NMBR: variants seen among roughly 807,000 people sequenced by gnomAD.
NMBR encodes neuromedin B receptor, also known as neuromedin-B receptor.
Under a neutral mutation model 20.5 loss-of-function variants are expected in NMBR, and 16 were observed. The observed-to-expected ratio is 0.78, with a 90% CI of 0.53 to 1.19. The LOEUF is 1.19. Among genes scored for constraint, NMBR ranks in the 50% most tolerant of loss-of-function variants. NMBR has a pLI of 0.00. For synonymous variants in NMBR, 212 were observed against 196.6 expected (o/e 1.08, Z -0.65); for missense variants, 582 against 499.1 (o/e 1.17, Z -1.58).
rs570905538 is a variant in NMBR, at chr6:142,098,235, G to C, written c.-663-8914C>G. 3.2e-3 allele frequency among the ~76,000 whole-genome samples: 485 copies of C among 152,190 alleles called. 3 individuals carry two copies. The highest frequency in any genetic ancestry group is 0.011 in the African/African-American group (472 of 41,546). On this transcript the variant is annotated intron_variant, in intron 1 of 3. Transcript: ENST00000258042. The stretch of plus-strand genomic sequence containing the variant: ...AGAAACACAAAGAAAAATTTGCCAA[G>C]ATGAGAAACTCGAAACTATCTTGCT...
At chr6:142,116,180 T>C (rs927567643) in intron 1 of NMBR, among the ~76,000 whole-genome samples, 8 of 151,940 alleles carry the variant, frequency 5.3e-5, no homozygotes, top group African/African-American at 1.7e-4. Context: ...CTTTCTTTTG[T>C]AAATTGCCCA....
chr6:142,079,557 C>T (rs920752657), intron 2 of NMBR, among the ~76,000 whole-genome samples: 2 of 152,064 alleles, frequency 1.3e-5, no homozygotes, highest in African/African-American at 2.4e-5. Context: ...TAATATTATT[C>T]AATTCTTCCT....
intron 1 of NMBR, among the ~76,000 whole-genome samples, chr6:142,139,905 A>T (rs1264441477): frequency 6.6e-6 from 1 of 152,230 alleles, no homozygotes; most frequent in Admixed American, 6.5e-5. Context: ...AAACTAAACA[A>T]TATCTAACCA....
chr6:142,090,834 A>G (rs990831441), intron 1 of NMBR, among the ~76,000 whole-genome samples: 3 of 151,922 alleles, frequency 2.0e-5, no homozygotes, highest in African/African-American at 7.2e-5. Flanking sequence ...TTATATAAAA[A>G]TATATTGAAA....
intron 3 of NMBR, among the ~76,000 whole-genome samples, chr6:142,076,520 A>G (rs1776952737): frequency 6.6e-6 from 1 of 152,234 alleles, no homozygotes; most frequent in African/African-American, 2.4e-5. Flanking sequence ...GGAAAACAAA[A>G]TAGCAACTTG....
At chr6:142,118,871 C>T (rs1022916382) in intron 1 of NMBR, among the ~76,000 whole-genome samples, 2 of 151,988 alleles carry the variant, frequency 1.3e-5, no homozygotes, top group African/African-American at 4.8e-5. Context: ...TACATTCATG[C>T]TCCCCAAGTG....
At chr6:142,090,869 T>C (rs1232494826) in intron 1 of NMBR, among the ~76,000 whole-genome samples, 1 of 151,990 alleles carries the variant, frequency 6.6e-6, no homozygotes, top group Non-Finnish European at 1.5e-5. Context: ...TGAATTTTTA[T>C]ATTCTCCTCC....
At chr6:142,077,563 T>A (rs560140642) in intron 3 of NMBR, among the ~76,000 whole-genome samples, 81 of 152,308 alleles carry the variant, frequency 5.3e-4, no homozygotes, top group African/African-American at 1.8e-3. Flanking sequence ...ATTGGGTGAT[T>A]TTTTAAGTCT....
intron 1 of NMBR, among the ~76,000 whole-genome samples, chr6:142,144,249 T>C (rs1244300075): frequency 6.6e-6 from 1 of 152,210 alleles, no homozygotes; most frequent in Non-Finnish European, 1.5e-5. Context: ...TTCTACCACA[T>C]ACAGTATCTT....
At position 142,088,285 on chromosome 6, in the gene NMBR, G is replaced by T. The variant is rs1777238945; in HGVS notation, c.374C>A (p.Thr125Asn). 2.5e-6 allele frequency: 4 copies of T among 1,613,772 alleles called. No homozygotes were observed. In the African/African-American group the frequency reaches 4.0e-5, roughly 16 times the overall value. ...GCKLIPVIQLTSVGVSVFTLT... is the reference protein window; with the variant it reads ...GCKLIPVIQLNSVGVSVFTLT... Reference sequence around the variant, plus strand: ...AGTGAACACGGAAACCCCCACGGAAGTGAGCTGGATGACAGGGATCAGTTT... The same window carrying T: ...AGTGAACACGGAAACCCCCACGGAATTGAGCTGGATGACAGGGATCAGTTT... Residue 125 changes from threonine to asparagine, a missense_variant, in exon 2 of 4, where the codon ACT (threonine) becomes AAT (asparagine). By Grantham distance (65) the Thr-to-Asn change is moderately conservative. Transcript: ENST00000258042.
chr6:142,096,929 G>C (rs1228530931), intron 1 of NMBR, among the ~76,000 whole-genome samples: 2 of 151,722 alleles, frequency 1.3e-5, no homozygotes, highest in African/African-American at 2.4e-5. Flanking sequence ...TTATGTAATG[G>C]CCTTCTTTGT....
intron 1 of NMBR, among the ~76,000 whole-genome samples, chr6:142,091,795 A>G (rs1156689930): frequency 6.6e-6 from 1 of 152,182 alleles, no homozygotes; most frequent in Non-Finnish European, 1.5e-5. Flanking sequence ...TGAAGTATAC[A>G]TTTTTAATCC....
intron 1 of NMBR, among the ~76,000 whole-genome samples, chr6:142,130,330 C>T (rs1778117647): frequency 6.6e-6 from 1 of 151,770 alleles, no homozygotes. Context: ...AATTTCTAGT[C>T]TCCCTAGCCA....
At chr6:142,082,468 C>T (rs909665971) in intron 2 of NMBR, among the ~76,000 whole-genome samples, 3 of 152,016 alleles carry the variant, frequency 2.0e-5, no homozygotes, top group Non-Finnish European at 2.9e-5. Context: ...GCCTAAGACG[C>T]ATCAATATTC....
chr6:142,094,391 C>T (rs1358025075), intron 1 of NMBR, among the ~76,000 whole-genome samples: 1 of 152,140 alleles, frequency 6.6e-6, no homozygotes, highest in African/African-American at 2.4e-5. Flanking sequence ...TTCCCAGCAC[C>T]ATTTATTAAA....
At chr6:142,122,864 C>T (rs1035030199) in intron 1 of NMBR, among the ~76,000 whole-genome samples, 3 of 151,834 alleles carry the variant, frequency 2.0e-5, no homozygotes, top group Non-Finnish European at 4.4e-5. Flanking sequence ...TATTATTGCT[C>T]ATTGACAGTG....
intron 1 of NMBR, chr6:142,134,641 A>ACTATAATTTATATACTCTCTGTT: frequency 1.4e-6 from 1 of 692,796 alleles, no homozygotes; most frequent in Non-Finnish European, 2.6e-6. Flanking sequence ...GCCTATCTAC[A>ACTATAATTTATATACTCTCTGTT]CTATAATTTA....
chr6:142,075,944 A>G lies in NMBR; in HGVS notation c.877T>C (p.Tyr293His). The G allele has an allele frequency of 6.2e-7, 1 of 1,614,054 alleles. No homozygotes were observed. The stretch of plus-strand genomic sequence containing the variant: ...CCTAGAGATGGATCAATCTCATTAT[A>G]GTTGAAAGACCGATACATGTAAAGG... ...HILYMYRSFN[Y>H]NEIDPSLGHM... The change falls in exon 4 of 4, where the codon TAT becomes CAT. Residue 293 changes from tyrosine to histidine, a missense_variant. Transcript: ENST00000258042.
chr6:142,120,877 G>A lies in NMBR; in HGVS notation c.-664+26167C>T, dbSNP rs191800095. 1.1e-4 allele frequency among the ~76,000 whole-genome samples: 16 copies of A among 152,026 alleles called. No individual in the cohort carries two copies. In the East Asian group the frequency reaches 3.1e-3, roughly 30 times the overall value. ...TCAGACATCCAGTCAAAAATTACCAGTTACAGAGTTACCTCATTTTATCGT... is the reference window on the plus strand; with the variant it reads ...TCAGACATCCAGTCAAAAATTACCAATTACAGAGTTACCTCATTTTATCGT... On this transcript the variant is annotated intron_variant, in intron 1 of 3. Coordinates refer to ENST00000258042, the MANE Select transcript of NMBR (RefSeq NM_002511.4).
Sources: allele counts gnomAD v4.1 joint callset (sites outside exome capture counted in the v4.1 genomes callset), GRCh38; gene constraint gnomAD v4.1.1; transcripts MANE v1.5; gene names NCBI Gene and HGNC (gene_info 2026-07-23, HGNC 2026-07-21).